Variants in GTF2F1 observed in about 807,000 individuals in gnomAD.
GTF2F1 encodes the protein general transcription factor IIF subunit 1.
A neutral mutation model predicts 63.5 loss-of-function variants in GTF2F1; 39 were observed. The observed-to-expected ratio is 0.61, with a 90% CI of 0.48 to 0.80. GTF2F1 has a LOEUF of 0.80. Ranked by LOEUF, GTF2F1 falls within the 30% of genes least tolerant of loss-of-function variation. The pLI, the probability that GTF2F1 is intolerant of heterozygous loss-of-function variation, is 0.00. For missense variants in GTF2F1, 657 were observed against 718.3 expected (o/e 0.91, Z 0.97); for synonymous variants, 287 against 285.3 (o/e 1.01, Z -0.06).
chr19:6,391,299 C>A lies in GTF2F1; in HGVS notation c.132+603G>T, dbSNP rs139887204. ...GCCCCCAGCCCAGTCCCCTCCCTTG[C>A]CCAGATAAACCATGGCCAAAAATGT... On this transcript the variant is annotated intron_variant, in intron 3 of 12. Transcript: ENST00000394456. 7.8e-3 allele frequency among the ~76,000 whole-genome samples: 1,193 copies of A among 152,290 alleles called. 11 individuals carry two copies. Among genetic ancestry groups the A allele is most frequent in the African/African-American group, 0.028 (1,146 of 41,552 alleles).
Position 6,383,500 on chromosome 19 carries a change from G to A in GTF2F1, c.498-5C>T, listed in dbSNP as rs762362652. 71 of 1,611,728 alleles carry A rather than the reference G, an allele frequency of 4.4e-5. No individual in the cohort carries two copies. The Admixed American group carries it at 5.5e-4, about 12-fold the overall frequency. Reference sequence around the variant, plus strand: ...TGGTTCAGCACCTTGTTCCTCCTGCGGGCCAGGCACAGGGGGGCTCATGCC... The same window carrying A: ...TGGTTCAGCACCTTGTTCCTCCTGCAGGCCAGGCACAGGGGGGCTCATGCC... On this transcript the variant is annotated splice_region_variant and splice_polypyrimidine_tract_variant and intron_variant, in intron 5 of 12. Coordinates refer to ENST00000394456, the MANE Select transcript of GTF2F1 (RefSeq NM_002096.3). The surrounding 1 kb of genome is among the most constrained non-coding windows in gnomAD (Gnocchi z 4.5).
chr19:6,380,921 G>A lies in GTF2F1; in HGVS notation c.1214C>T (p.Ala405Val), dbSNP rs764473497. ...GCACTCACCTTGCTCGAGTTTGCTG[G>A]CAGCCGCCCGCAGGGTGGAGGAGGT... ...GSTSSTLRAA[A>V]SKLEQGKRVS... Residue 405 changes from alanine (A) to valine (V), a missense_variant, in exon 11 of 13, where the codon GCC (alanine) becomes GTC (valine). Around this residue, in one of 2 missense-constraint regions of GTF2F1, gnomAD observed 602 missense variants for 625.6 expected, o/e 0.96. Coordinates refer to ENST00000394456, the MANE Select transcript of GTF2F1 (RefSeq NM_002096.3). The surrounding 1 kb of genome is among the most constrained non-coding windows in gnomAD (Gnocchi z 5.3). 1.3e-6 allele frequency: 2 copies of A among 1,566,186 alleles called. No individual in the cohort carries two copies. The highest frequency in any genetic ancestry group is 2.3e-5 in the South Asian group (2 of 86,110).
At chr19:6,389,967 C>G (rs1175658838) in intron 3 of GTF2F1, among the ~76,000 whole-genome samples, 1 of 152,194 alleles carries the variant, frequency 6.6e-6, no homozygotes, top group Non-Finnish European at 1.5e-5. Flanking sequence ...TTAGACTTCC[C>G]TATTATCTAC....
In GTF2F1 at chr19:6,393,031, G is replaced by A. The variant is rs781420253; in HGVS notation, c.-36C>T. The A allele has an allele frequency of 3.7e-6, 6 of 1,612,842 alleles. No individual in the cohort carries two copies. The South Asian group carries it at 4.4e-5, about 12-fold the overall frequency. ...CAGTGGTTCCGATCTGGTCCGACCC[G>A]GGTTCCTTTCGTCTCCTCTGGCGTG... On this transcript the variant is annotated 5_prime_UTR_variant, in exon 1 of 13. Transcript: ENST00000394456.
rs2091952306 is a variant in GTF2F1, at chr19:6,381,662, C to T, written c.836+35G>A. ...GGATGAGCGCGCGCTCGCGAGGCTG[C>T]ATGGGGTCTCGCAGGCGCCTCCCGT... On this transcript the variant is annotated intron_variant, in intron 7 of 12. Coordinates refer to ENST00000394456, the MANE Select transcript of GTF2F1 (RefSeq NM_002096.3). This position sits in a 1 kb window ranked among gnomAD's most constrained non-coding sequence, Gnocchi z 4.1. 1 of 1,614,108 alleles carries T rather than the reference C, an allele frequency of 6.2e-7. No individual in the cohort carries two copies. Among genetic ancestry groups the T allele is most frequent in the Non-Finnish European group, 8.5e-7 (1 of 1,180,026 alleles).
chr19:6,389,490 C>G lies in GTF2F1; in HGVS notation c.280G>C (p.Glu94Gln). 2.5e-6 allele frequency: 4 copies of G among 1,614,152 alleles called. No homozygotes were observed. Among genetic ancestry groups the G allele is most frequent in the Non-Finnish European group, 3.4e-6 (4 of 1,180,012 alleles). The change falls in exon 4 of 13, where the codon GAG becomes CAG. Residue 94 changes from glutamate (E) to glutamine (Q), a missense_variant. Physicochemically the swap from Glu to Gln is conservative, Grantham distance 29. Coordinates refer to ENST00000394456, the MANE Select transcript of GTF2F1 (RefSeq NM_002096.3). Reference protein sequence around the residue: ...YGIVLKEFRPEDQPWLLRVNG... With the variant: ...YGIVLKEFRPQDQPWLLRVNG... ...ACCCGGAGCAGCCAGGGCTGGTCCTCGGGCCGGAACTCCTTGAGGACGATG... is the reference window on the plus strand; with the variant it reads ...ACCCGGAGCAGCCAGGGCTGGTCCTGGGGCCGGAACTCCTTGAGGACGATG...
chr19:6,391,456 T>G (rs368265738), intron 3 of GTF2F1, among the ~76,000 whole-genome samples: 11,972 of 141,824 alleles, frequency 0.084, 1,323 homozygotes, highest in African/African-American at 0.26. Context: ...TTTTTTTTTT[T>G]TTTTTTTTTT....
In GTF2F1 at chr19:6,383,428, CGTCCTG is replaced by C; in HGVS notation, c.559_564del (p.Gln187_Asp188del). On this transcript the variant is annotated inframe_deletion, in exon 6 of 13. Coordinates refer to ENST00000394456, the MANE Select transcript of GTF2F1 (RefSeq NM_002096.3). The surrounding 1 kb of genome is among the most constrained non-coding windows in gnomAD (Gnocchi z 4.5). ...CGTTTCTCCTTCTCCTCCTCATCCT[CGTCCTG>C]GTCCTGATCCTTGAGCCGCCGCTGC... The C allele has an allele frequency of 1.2e-6, 2 of 1,614,234 alleles. No homozygotes were observed. The highest frequency in any genetic ancestry group is 2.2e-5 in the East Asian group (1 of 44,896).
rs2091950883 is a variant in GTF2F1 at position 6,381,510 on chromosome 19, G to GA, written c.899-33dup. On this transcript the variant is annotated intron_variant, in intron 8 of 12. Coordinates refer to ENST00000394456, the MANE Select transcript of GTF2F1 (RefSeq NM_002096.3). The surrounding 1 kb of genome is among the most constrained non-coding windows in gnomAD (Gnocchi z 4.1). The stretch of plus-strand genomic sequence containing the variant: ...GGGGCAGGGTATGAGCAAGAGCAGG[G>GA]AAGCACCGCCCCCATCTCCCCGGCC... 6.2e-7 allele frequency: 1 copy of GA among 1,609,230 alleles called. No homozygotes were observed. Among genetic ancestry groups the GA allele is most frequent in the Admixed American group, 1.7e-5 (1 of 59,946 alleles).
intron 3 of GTF2F1, among the ~76,000 whole-genome samples, chr19:6,391,106 T>G (rs1485550622): frequency 6.6e-6 from 1 of 152,218 alleles, no homozygotes; most frequent in African/African-American, 2.4e-5. Context: ...AGGACTCACC[T>G]AGACCAGTCC....
chr19:6,387,318 T>C, intron 5 of GTF2F1, 71 bp downstream of exon 5: 1 of 1,435,764 alleles, frequency 7.0e-7, no homozygotes, highest in Non-Finnish European at 9.7e-7. Context: ...GCACAGGGCC[T>C]GGTGATATAT....
intron 2 of GTF2F1, 109 bp from the exon 3 acceptor site, chr19:6,392,083 G>A (rs1360400957): frequency 2.8e-5 from 19 of 684,524 alleles, no homozygotes; most frequent in East Asian, 1.1e-4. Context: ...CAACTGGATC[G>A]TTAATTCAAT....
chr19:6,392,804 G>A lies in GTF2F1; in HGVS notation c.59+53C>T, dbSNP rs913600453. On this transcript the variant is annotated intron_variant, in intron 2 of 12. Coordinates refer to ENST00000394456, the MANE Select transcript of GTF2F1 (RefSeq NM_002096.3). ...AATGGCTGGCTAAGAAGATCGTGAA[G>A]GTTTTCATTTTTGGGGGGTGGAGAG... 4.6e-5 allele frequency: 71 copies of A among 1,549,244 alleles called. No individual in the cohort carries two copies. The Admixed American group carries it at 1.1e-3, about 25-fold the overall frequency.
rs758852230 is a variant in GTF2F1, at chr19:6,381,476, C to T, written c.901G>A (p.Val301Ile). The stretch of plus-strand genomic sequence containing the variant: ...TCACTACTGTCGCTCTGCTCATCGA[C>T]ACCTGGGAGGGGCAGGGTATGAGCA... ...APQQEEGPKG[V>I]DEQSDSSEES... is the part of the protein sequence containing the mutation. Residue 301 changes from valine to isoleucine, a missense_variant and splice_region_variant, in exon 9 of 13, where the codon GTC (valine) becomes ATC (isoleucine). Physicochemically the swap from Val to Ile is conservative, Grantham distance 29. Transcript: ENST00000394456. This position sits in a 1 kb window ranked among gnomAD's most constrained non-coding sequence, Gnocchi z 4.1. The T allele has an allele frequency of 3.7e-6, 6 of 1,607,792 alleles. No homozygotes were observed. In the African/African-American group the frequency reaches 6.7e-5, roughly 18 times the overall value.
At position 6,391,961 on chromosome 19, in the gene GTF2F1, T is replaced by G. The variant is rs368006531; in HGVS notation, c.73A>C (p.Lys25Gln). 6.4e-7 allele frequency: 1 copy of G among 1,572,328 alleles called. No homozygotes were observed. Among genetic ancestry groups the G allele is most frequent in the African/African-American group, 1.3e-5 (1 of 74,518 alleles). Residue 25 changes from lysine to glutamine, a missense_variant, in exon 3 of 13, where the codon AAA becomes CAA. Physicochemically the swap from Lys to Gln is moderately conservative, Grantham distance 53. This residue lies in a region of GTF2F1 where 602 missense variants were observed against 625.6 expected (regional missense o/e 0.96). Coordinates refer to ENST00000394456, the MANE Select transcript of GTF2F1 (RefSeq NM_002096.3). ...VVRVPKNTTK[K>Q]YNIMAFNAAD... is the part of the protein sequence containing the mutation. ...GCATTAAAAGCCATGATGTTATATT[T>G]TTTGGTTGTATTCCTGGAGTGGATG...
chr19:6,391,947 CATG>C lies in GTF2F1; in HGVS notation c.84_86del (p.Ile28del). The stretch of plus-strand genomic sequence containing the variant: ...TGACTTTGTCGGCTGCATTAAAAGC[CATG>C]ATGTTATATTTTTTGGTTGTATTCC... On this transcript the variant is annotated inframe_deletion, in exon 3 of 13. Coordinates refer to ENST00000394456, the MANE Select transcript of GTF2F1 (RefSeq NM_002096.3). 1 of 1,581,176 alleles carries C rather than the reference CATG, an allele frequency of 6.3e-7. No homozygotes were observed. The highest frequency in any genetic ancestry group is 2.3e-5 in the East Asian group (1 of 44,256).
intron 2 of GTF2F1, 23 bp from the exon 3 acceptor site, chr19:6,391,997 G>C: frequency 1.6e-6 from 2 of 1,278,060 alleles, no homozygotes; most frequent in Non-Finnish European, 2.2e-6. Flanking sequence ...AGAAGAGGTA[G>C]TGTCAATCCA....
rs139838442 is a variant in GTF2F1, at chr19:6,392,089, T to C, written c.60-115A>G. The C allele has an allele frequency of 1.6e-4, 108 of 682,100 alleles. 2 individuals carry two copies. The East Asian group carries it at 2.5e-3, about 16-fold the overall frequency. 42.3% of individuals were successfully genotyped at this position (682,100 alleles called of 1,614,324 possible). On this transcript the variant is annotated intron_variant, in intron 2 of 12. Coordinates refer to ENST00000394456, the MANE Select transcript of GTF2F1 (RefSeq NM_002096.3). ...TCAACCACCCAACTGGATCGTTAAT[T>C]CAATCAAATCATTACTTTAATTCAA...
Position 6,389,424 on chromosome 19 carries a change from G to A in GTF2F1, c.326+20C>T, listed in dbSNP as rs759375738. 29 of 1,608,422 alleles carry A rather than the reference G, an allele frequency of 1.8e-5. No homozygotes were observed. The highest frequency in any genetic ancestry group is 2.2e-5 in the Non-Finnish European group (26 of 1,175,724). ...GTGGACTGGTCACTAAGCCGGCACC[G>A]CCACCGCCCCACCACTTACTTCCTG... On this transcript the variant is annotated intron_variant, in intron 4 of 12. Transcript: ENST00000394456.
Sources: allele counts gnomAD v4.1 joint callset (sites outside exome capture counted in the v4.1 genomes callset), GRCh38; gene constraint gnomAD v4.1.1; regional missense constraint gnomAD v4.1.1; non-coding constraint Gnocchi (gnomAD v3.1); transcripts MANE v1.5; gene names NCBI Gene and HGNC (gene_info 2026-07-23, HGNC 2026-07-21).